Variants in RHBDF2 observed in about 807,000 individuals in gnomAD.
The protein encoded by RHBDF2 is rhomboid 5 homolog 2, also known as inactive rhomboid protein 2.
A neutral mutation model predicts 95.2 loss-of-function variants in RHBDF2; 38 were observed. That is an observed-to-expected ratio of 0.40 (90% CI 0.31 to 0.52). The LOEUF (loss-of-function observed/expected upper bound fraction) is 0.52, where lower values mean the gene tolerates loss of function less well. Among genes scored for constraint, RHBDF2 ranks in the 20% least tolerant of loss-of-function variants. The pLI is 0.56. For synonymous variants in RHBDF2, 442 were observed against 462.0 expected (o/e 0.96, Z 0.55); for missense variants, 863 against 1,137.7 (o/e 0.76, Z 3.47).
chr17:76,492,584 C>A (rs78828792), intron 1 of RHBDF2, among the ~76,000 whole-genome samples: 1 of 152,174 alleles, frequency 6.6e-6, no homozygotes, highest in Non-Finnish European at 1.5e-5. Context: ...CTCCTCCACG[C>A]GGGCCCAGCC....
intron 1 of RHBDF2, among the ~76,000 whole-genome samples, chr17:76,490,516 C>A (rs891902000): frequency 6.6e-6 from 1 of 152,182 alleles, no homozygotes; most frequent in Non-Finnish European, 1.5e-5. Context: ...GACCAGGGTA[C>A]ACCAAGAGGG....
intron 2 of RHBDF2, chr17:76,481,794 A>G (rs1005613594): frequency 7.5e-6 from 2 of 265,414 alleles, no homozygotes; most frequent in African/African-American, 4.3e-5. Flanking sequence ...CTCTACTAAA[A>G]ATACAAAAAA....
At chr17:76,493,603 A>G (rs1194927716) in intron 1 of RHBDF2, among the ~76,000 whole-genome samples, 1 of 151,744 alleles carries the variant, frequency 6.6e-6, no homozygotes, top group African/African-American at 2.4e-5. Flanking sequence ...AGCAGAGGGG[A>G]GAGGGGGCTG....
At chr17:76,489,271 A>G (rs2074233404) in intron 1 of RHBDF2, among the ~76,000 whole-genome samples, 1 of 151,930 alleles carries the variant, frequency 6.6e-6, no homozygotes, top group Non-Finnish European at 1.5e-5. Flanking sequence ...TGAACTTAAA[A>G]GTCACACAAC....
chr17:76,479,704 GT>G (rs1567879051), intron 4 of RHBDF2, 28 bp downstream of exon 4: 1 of 1,554,596 alleles, frequency 6.4e-7, no homozygotes, highest in African/African-American at 1.3e-5. Flanking sequence ...TGGGTGGGGG[GT>G]GCTGGGCTTG....
At chr17:76,481,288 C>T (rs1298203800) in intron 3 of RHBDF2, 87 bp downstream of exon 3, 5 of 1,462,026 alleles carry the variant, frequency 3.4e-6, no homozygotes, top group African/African-American at 2.8e-5. Flanking sequence ...AGGAGCCCCT[C>T]TGGGAAGTGA....
At chr17:76,481,706 G>A (rs2073971759) in intron 2 of RHBDF2, 161 bp from the exon 3 acceptor site, 4 of 562,952 alleles carry the variant, frequency 7.1e-6, no homozygotes, top group Non-Finnish European at 1.2e-5. Context: ...TGTAATCCCA[G>A]CACTTTGGGA....
intron 1 of RHBDF2, chr17:76,493,001 C>A (rs542474959): frequency 6.6e-6 from 1 of 152,552 alleles, no homozygotes; most frequent in East Asian, 1.9e-4. Flanking sequence ...GGGGAAACCA[C>A]CCCCTGGGCG....
Position 76,481,621 on chromosome 17 carries a change from C to G in RHBDF2, c.-21-76G>C, listed in dbSNP as rs532016180. 4 of 1,343,792 alleles carry G rather than the reference C, an allele frequency of 3.0e-6. No individual in the cohort carries two copies. In the East Asian group the frequency reaches 7.4e-5, roughly 25 times the overall value. The allele number at this position is 1,343,792 out of a possible 1,614,324, so 83.2% of individuals were successfully genotyped here. ...GTCAGGACCCTGACGCCAGGGCACGCAGCCCAGACCAAGAACCAACTTGCC... is the reference window on the plus strand; with the variant it reads ...GTCAGGACCCTGACGCCAGGGCACGGAGCCCAGACCAAGAACCAACTTGCC... On this transcript the variant is annotated intron_variant, in intron 2 of 18. Coordinates refer to ENST00000675367, the MANE Select transcript of RHBDF2 (RefSeq NM_001005498.4).
intron 2 of RHBDF2, among the ~76,000 whole-genome samples, chr17:76,486,951 CCTTT>C (rs2074147966): frequency 9.8e-6 from 1 of 101,590 alleles, no homozygotes; most frequent in African/African-American, 3.4e-5. Flanking sequence ...TCGCTTCCTG[CCTTT>C]TTTTTTTTTT....
intron 10 of RHBDF2, 37 bp from the exon 11 acceptor site, chr17:76,474,841 A>T: frequency 6.2e-7 from 1 of 1,601,244 alleles, no homozygotes; most frequent in Non-Finnish European, 8.5e-7. Context: ...GCGTCAGAAC[A>T]GTGTGGGCCC....
chr17:76,500,120 C>G (rs1216982537), intron 1 of RHBDF2, among the ~76,000 whole-genome samples: 1 of 152,188 alleles, frequency 6.6e-6, no homozygotes, highest in Non-Finnish European at 1.5e-5. Context: ...GAGGGAGCAT[C>G]ATTGAGAAGG....
intron 2 of RHBDF2, among the ~76,000 whole-genome samples, chr17:76,485,164 T>C (rs2074086858): frequency 1.3e-5 from 2 of 151,944 alleles, no homozygotes. Flanking sequence ...TCCCAGCATT[T>C]TGGGAGGCCG....
At chr17:76,498,101 C>T (rs1328066242) in intron 1 of RHBDF2, among the ~76,000 whole-genome samples, 2 of 152,302 alleles carry the variant, frequency 1.3e-5, no homozygotes, top group East Asian at 3.9e-4. Flanking sequence ...TTCCTTACAC[C>T]CATCCTAGGT....
chr17:76,479,106 G>A lies in RHBDF2; in HGVS notation c.444C>T (p.Ser148=), dbSNP rs1415467227. ...QEAPSFQGTE[S]PKPCKMPKIV... Reference sequence around the variant, plus strand: ...CCTTGGGCATCTTGCAGGGCTTTGGGGACTCAGTGCCCTGGAAGGACGGTG... The same window carrying A: ...CCTTGGGCATCTTGCAGGGCTTTGGAGACTCAGTGCCCTGGAAGGACGGTG... Residue 148 remains serine (S), a synonymous_variant, in exon 5 of 19, where the codon TCC becomes TCT. Coordinates refer to ENST00000675367, the MANE Select transcript of RHBDF2 (RefSeq NM_001005498.4). The A allele has an allele frequency of 3.1e-6, 5 of 1,613,668 alleles. No homozygotes were observed. Among genetic ancestry groups the A allele is most frequent in the Non-Finnish European group, 4.2e-6 (5 of 1,179,942 alleles).
chr17:76,494,088 CA>C (rs1460082782), intron 1 of RHBDF2, among the ~76,000 whole-genome samples: 1 of 152,196 alleles, frequency 6.6e-6, no homozygotes, highest in Non-Finnish European at 1.5e-5. Context: ...CCGCCAAGAT[CA>C]GGGGTGTGAG....
chr17:76,495,631 C>T (rs574170825), intron 1 of RHBDF2, among the ~76,000 whole-genome samples: 1 of 152,116 alleles, frequency 6.6e-6, no homozygotes, highest in Non-Finnish European at 1.5e-5. Context: ...CCAGTGCCAC[C>T]CAGCCAGAAA....
Position 76,474,479 on chromosome 17 carries a change from T to C in RHBDF2, c.1358A>G (p.Gln453Arg). 2 of 1,614,174 alleles carry C rather than the reference T, an allele frequency of 1.2e-6. No homozygotes were observed. Among genetic ancestry groups the C allele is most frequent in the Non-Finnish European group, 1.7e-6 (2 of 1,180,014 alleles). ...CTCGCGCAGCACCAGCTGCTCGATC[T>C]GCCCGTCCTTCCGGATGCAGGGTGA... The part of the protein sequence containing the change: ...KFSPCIRKDG[Q>R]IEQLVLRERD... The change falls in exon 12 of 19, where the codon CAG (glutamine) becomes CGG (arginine). Residue 453 changes from glutamine to arginine, a missense_variant. Gln to Arg is a conservative substitution (Grantham distance 43). Transcript: ENST00000675367.
At chr17:76,477,900 AG>A (rs2073826081) in intron 6 of RHBDF2, 115 bp from the exon 7 acceptor site, 1 of 1,466,808 alleles carries the variant, frequency 6.8e-7, no homozygotes, top group Non-Finnish European at 9.1e-7. Context: ...CCTTGGGAGG[AG>A]GGATCCTGCC....
Sources: gnomAD v4.1 joint callset for allele counts (sites outside exome capture counted in the v4.1 genomes callset) on GRCh38, gnomAD v4.1.1 for gene constraint, MANE v1.5 for transcripts, NCBI Gene and HGNC (gene_info 2026-07-23, HGNC 2026-07-21) for gene names.